Variants in CNTN5 observed in about 807,000 individuals in gnomAD.
CNTN5 encodes contactin 5, also known as contactin-5.
Under a neutral mutation model 129.1 loss-of-function variants are expected in CNTN5, and 77 were observed. The ratio of observed to expected loss-of-function variants is 0.60; its 90% confidence interval spans 0.50 to 0.72. The LOEUF is 0.72. CNTN5 is among the 30% of genes least tolerant of loss of function. The probability of loss-of-function intolerance (pLI) is 0.00; values close to 1 mark genes in which losing one functional copy is unlikely to be tolerated. For synonymous variants in CNTN5, 509 were observed against 465.6 expected (o/e 1.09, Z -1.20); for missense variants, 1,478 against 1,328.8 (o/e 1.11, Z -1.75).
At chr11:99,220,216 T>C (rs1172274599) in intron 1 of CNTN5, among the ~76,000 whole-genome samples, 2 of 152,006 alleles carry the variant, frequency 1.3e-5, no homozygotes, top group East Asian at 1.9e-4. Flanking sequence ...CAATTACATA[T>C]AATTACAGGT....
intron 2 of CNTN5, among the ~76,000 whole-genome samples, chr11:99,355,832 T>TTG (rs1938618544): frequency 6.7e-6 from 1 of 150,194 alleles, no homozygotes; most frequent in African/African-American, 2.5e-5. Context: ...TTTTTTTTTT[T>TTG]TTTGTTTTTT....
chr11:100,343,657 C>T (rs750326915), intron 23 of CNTN5, among the ~76,000 whole-genome samples: 3 of 152,096 alleles, frequency 2.0e-5, no homozygotes, highest in Non-Finnish European at 2.9e-5. Context: ...GCTTGGAGCC[C>T]GTCTTCTGAG....
Position 99,583,540 on chromosome 11 carries a change from C to T in CNTN5, c.55+27271C>T, listed in dbSNP as rs570176412. 4.6e-5 allele frequency among the ~76,000 whole-genome samples: 7 copies of T among 152,366 alleles called. No homozygotes were observed. The South Asian group carries it at 1.4e-3, about 32-fold the overall frequency. On this transcript the variant is annotated intron_variant, in intron 3 of 24. Coordinates refer to ENST00000524871, the MANE Select transcript of CNTN5 (RefSeq NM_014361.4). Reference sequence around the variant, plus strand: ...TGAGCAATGGTGGGTGCCCCTCCCCCAGCCTCGCTGCCTCCTTGCAGTTAG... The same window carrying T: ...TGAGCAATGGTGGGTGCCCCTCCCCTAGCCTCGCTGCCTCCTTGCAGTTAG...
chr11:99,821,907 G>GTA (rs1946814000), intron 4 of CNTN5, among the ~76,000 whole-genome samples: 1 of 152,102 alleles, frequency 6.6e-6, no homozygotes, highest in Non-Finnish European at 1.5e-5. Context: ...ATATTTTAGA[G>GTA]TATAAGGAAG....
At chr11:99,108,855 T>C (rs1310006910) in intron 1 of CNTN5, among the ~76,000 whole-genome samples, 1 of 152,042 alleles carries the variant, frequency 6.6e-6, no homozygotes, top group Non-Finnish European at 1.5e-5. Flanking sequence ...CTTTAGGCTT[T>C]CTCAGCACTT....
intron 1 of CNTN5, among the ~76,000 whole-genome samples, chr11:99,110,616 G>A (rs1591207151): frequency 1.3e-5 from 2 of 152,020 alleles, no homozygotes; most frequent in Non-Finnish European, 1.5e-5. Flanking sequence ...ATGTTCACAC[G>A]GGAAAATATC....
At chr11:100,248,078 G>C (rs1044819116) in intron 16 of CNTN5, among the ~76,000 whole-genome samples, 1 of 152,108 alleles carries the variant, frequency 6.6e-6, no homozygotes, top group African/African-American at 2.4e-5. Context: ...TCCTGCATGT[G>C]TTTGGAAGTG....
chr11:99,572,530 A>G lies in CNTN5; in HGVS notation c.55+16261A>G, dbSNP rs75559808. Reference sequence around the variant, plus strand: ...GGTCAGTGATAGAATTGGCACTATCATAAGAGTTTTTCAAGAAGGTTCATG... The same window carrying G: ...GGTCAGTGATAGAATTGGCACTATCGTAAGAGTTTTTCAAGAAGGTTCATG... On this transcript the variant is annotated intron_variant, in intron 3 of 24. Transcript: ENST00000524871. 7.7e-3 allele frequency among the ~76,000 whole-genome samples: 1,175 copies of G among 152,288 alleles called. 5 individuals are homozygous for G. Among genetic ancestry groups the G allele is most frequent in the Non-Finnish European group, 0.011 (764 of 68,020 alleles).
At chr11:99,836,938 T>A (rs1947326374) in intron 4 of CNTN5, among the ~76,000 whole-genome samples, 2 of 152,176 alleles carry the variant, frequency 1.3e-5, no homozygotes, top group South Asian at 4.1e-4. Context: ...AATGTCATGG[T>A]GCTGGTGGGA....
intron 13 of CNTN5, among the ~76,000 whole-genome samples, chr11:100,110,581 C>G (rs1478589757): frequency 6.6e-6 from 1 of 152,042 alleles, no homozygotes; most frequent in Non-Finnish European, 1.5e-5. Flanking sequence ...ATTTATAAAC[C>G]ATATAATGAG....
intron 2 of CNTN5, among the ~76,000 whole-genome samples, chr11:99,552,273 T>A (rs1948516861): frequency 1.3e-5 from 2 of 151,812 alleles, no homozygotes; most frequent in Admixed American, 1.3e-4. Context: ...CTTCAGTTTA[T>A]TCAATAATTA....
rs892154451 is a variant in CNTN5, at chr11:99,235,915, G to C, written c.-209-89431G>C. ...CATGAGGAAGGCAAGGAACCTGGAA[G>C]CTGGCTTCTGCAGTGAACCAAAATA... On this transcript the variant is annotated intron_variant, in intron 1 of 24. Coordinates refer to ENST00000524871, the MANE Select transcript of CNTN5 (RefSeq NM_014361.4). Among the ~76,000 whole-genome samples the C allele has an allele frequency of 4.6e-5, 7 of 152,312 alleles. No individual in the cohort carries two copies. In the South Asian group the frequency reaches 1.4e-3, roughly 32 times the overall value.
chr11:99,962,900 G>T (rs1950988461), intron 8 of CNTN5, among the ~76,000 whole-genome samples: 1 of 150,482 alleles, frequency 6.6e-6, no homozygotes, highest in Non-Finnish European at 1.5e-5. Context: ...GCATTTCTCT[G>T]ATGGCCAGTG....
At chr11:99,124,731 A>G (rs973001608) in intron 1 of CNTN5, among the ~76,000 whole-genome samples, 9 of 151,678 alleles carry the variant, frequency 5.9e-5, no homozygotes, top group African/African-American at 9.7e-5. Context: ...GTAATAAGGG[A>G]AAAAAAAGAG....
intron 3 of CNTN5, among the ~76,000 whole-genome samples, chr11:99,582,523 T>C (rs7113035): frequency 0.015 from 2,271 of 152,266 alleles, 58 homozygotes; most frequent in African/African-American, 0.053. Context: ...CTTTGTTCAT[T>C]TCTTTTTATT....
At chr11:99,169,218 G>T (rs1415955117) in intron 1 of CNTN5, among the ~76,000 whole-genome samples, 1 of 152,102 alleles carries the variant, frequency 6.6e-6, no homozygotes, top group Non-Finnish European at 1.5e-5. Context: ...AATTACTCAT[G>T]ACTTAATAGT....
intron 4 of CNTN5, among the ~76,000 whole-genome samples, chr11:99,821,347 T>G (rs2135563735): frequency 6.6e-6 from 1 of 152,332 alleles, no homozygotes; most frequent in East Asian, 1.9e-4. Context: ...GTGACAACAA[T>G]TCAAGGTGTC....
At chr11:99,038,893 A>G (rs1863870625) in intron 1 of CNTN5, among the ~76,000 whole-genome samples, 1 of 152,072 alleles carries the variant, frequency 6.6e-6, no homozygotes, top group Non-Finnish European at 1.5e-5. Context: ...CCAAAGCACA[A>G]GTAGCTCTGA....
chr11:100,336,962 AAAG>A, intron 21 of CNTN5: 1 of 719,478 alleles, frequency 1.4e-6, no homozygotes, highest in South Asian at 1.5e-5. Flanking sequence ...CTTAGGCAGA[AAAG>A]AAATCAAGAG....
Sources: gnomAD v4.1 joint callset for allele counts (sites outside exome capture counted in the v4.1 genomes callset) on GRCh38, gnomAD v4.1.1 for gene constraint, MANE v1.5 for transcripts, NCBI Gene and HGNC (gene_info 2026-07-23, HGNC 2026-07-21) for gene names.